The following ADAM32 variants were observed in gnomAD, a reference collection of about 807,000 sequenced individuals.
ADAM32 encodes the protein disintegrin and metalloproteinase domain-containing protein 32.
A neutral mutation model predicts 114.9 loss-of-function variants in ADAM32; 89 were observed. The observed-to-expected ratio is 0.77, with a 90% CI of 0.65 to 0.92. The LOEUF (loss-of-function observed/expected upper bound fraction) is 0.92. ADAM32 is among the 40% of genes least tolerant of loss of function. The pLI is 0.00. For missense variants in ADAM32, 870 were observed against 932.8 expected (o/e 0.93, Z 0.88); for synonymous variants, 285 against 307.5 (o/e 0.93, Z 0.77).
At chr8:39,245,726 A>T (rs1361675065) in intron 16 of ADAM32, among the ~76,000 whole-genome samples, 1 of 152,154 alleles carries the variant, frequency 6.6e-6, no homozygotes, top group Non-Finnish European at 1.5e-5. Context: ...CACTTAAGCT[A>T]TAGTACTTTG....
At chr8:39,276,343 A>G (rs1363175373) in intron 22 of ADAM32, 2 of 151,808 alleles carry the variant, frequency 1.3e-5, no homozygotes, top group African/African-American at 4.8e-5. Context: ...CACATCTTTC[A>G]TTGTTCTCAG....
At chr8:39,150,817 C>CTATATA (rs1330160120) in intron 5 of ADAM32, among the ~76,000 whole-genome samples, 1 of 152,130 alleles carries the variant, frequency 6.6e-6, no homozygotes, top group African/African-American at 2.4e-5. Context: ...CTTATTCAGA[C>CTATATA]TATATAAGCA....
At chr8:39,220,195 A>G (rs1808857973) in intron 12 of ADAM32, among the ~76,000 whole-genome samples, 1 of 152,098 alleles carries the variant, frequency 6.6e-6, no homozygotes. Context: ...ATGTGATGTC[A>G]TTATTTATCT....
At chr8:39,129,139 TGTGGATTC>T (rs1802290061) in intron 2 of ADAM32, among the ~76,000 whole-genome samples, 2 of 113,322 alleles carry the variant, frequency 1.8e-5, no homozygotes, top group South Asian at 2.7e-4. Context: ...TTTTTTTTTT[TGTGGATTC>T]TTTGGGAGTT....
chr8:39,243,124 G>A (rs1442775863), intron 16 of ADAM32, among the ~76,000 whole-genome samples: 1 of 152,028 alleles, frequency 6.6e-6, no homozygotes, highest in African/African-American at 2.4e-5. Context: ...CAAGCAGTGA[G>A]ATTGAAATGG....
At chr8:39,193,112 T>A (rs1298496231) in intron 11 of ADAM32, among the ~76,000 whole-genome samples, 2 of 152,210 alleles carry the variant, frequency 1.3e-5, no homozygotes, top group African/African-American at 4.8e-5. Context: ...GCTTCCATTC[T>A]CCCCATATCT....
chr8:39,165,078 T>C lies in ADAM32; in HGVS notation c.715T>C (p.Trp239Arg). The C allele has an allele frequency of 6.2e-7, 1 of 1,609,690 alleles. No homozygotes were observed. Among genetic ancestry groups the C allele is most frequent in the South Asian group, 1.1e-5 (1 of 90,392 alleles). ...VTIVLSSLELWSDENKISTVG... is the reference protein window; with the variant it reads ...VTIVLSSLELRSDENKISTVG... ...TATTGTGCTGTCATCATTGGAGTTA[T>C]GGTCAGATGAAAATAAGATTTCTAC... Residue 239 changes from tryptophan to arginine, a missense_variant, in exon 9 of 25, where the codon TGG becomes CGG. Trp to Arg is a moderately radical substitution (Grantham distance 101). Transcript: ENST00000379907.
intron 5 of ADAM32, among the ~76,000 whole-genome samples, 169 bp from the exon 6 acceptor site, chr8:39,151,208 T>C (rs1392248315): frequency 1.3e-5 from 2 of 152,136 alleles, no homozygotes; most frequent in Non-Finnish European, 2.9e-5. Flanking sequence ...AGAAAATGGG[T>C]TTTGTGGATT....
At chr8:39,246,061 T>G (rs1318454738) in intron 16 of ADAM32, 22 bp from the exon 17 acceptor site, 1 of 1,606,212 alleles carries the variant, frequency 6.2e-7, no homozygotes. Context: ...TGGGAACTTT[T>G]TTTGTATGTG....
intron 20 of ADAM32, among the ~76,000 whole-genome samples, chr8:39,273,208 T>C (rs867948603): frequency 5.3e-5 from 8 of 152,116 alleles, no homozygotes; most frequent in South Asian, 2.1e-4. Context: ...AAAATAATGA[T>C]AAAAAGGACA....
chr8:39,164,207 C>T (rs1004174916), intron 7 of ADAM32, among the ~76,000 whole-genome samples: 1 of 152,230 alleles, frequency 6.6e-6, no homozygotes. Context: ...TGATTTCACA[C>T]ACATTGCATA....
intron 6 of ADAM32, among the ~76,000 whole-genome samples, chr8:39,154,838 C>G (rs1391362594): frequency 6.7e-6 from 1 of 148,168 alleles, no homozygotes; most frequent in Non-Finnish European, 1.5e-5. Flanking sequence ...GCATAAATGT[C>G]TTCTTTTGAG....
chr8:39,250,266 C>T (rs551589324), intron 17 of ADAM32, among the ~76,000 whole-genome samples: 18 of 151,404 alleles, frequency 1.2e-4, no homozygotes, highest in Non-Finnish European at 2.4e-4. Flanking sequence ...TCTGTTTTTT[C>T]AACCTTTTTT....
rs1454300862 is a variant in ADAM32 at position 39,168,154 on chromosome 8, A to G, written c.834-1762A>G. On this transcript the variant is annotated intron_variant, in intron 9 of 24. Transcript: ENST00000379907. ...TGCAGCAGACCTTGCTGGACTGAAC[A>G]AAGGAGGACGAATGCAGGAATAAAG... 4.6e-5 allele frequency: 7 copies of G among 152,232 alleles called. No homozygotes were observed. In the East Asian group the frequency reaches 1.2e-3, roughly 25 times the overall value. 9.4% of individuals were successfully genotyped at this position (152,232 alleles called of 1,614,324 possible). A position where few individuals can be genotyped will look rare whatever the true frequency, so the allele number is the denominator to read the frequency against.
At chr8:39,240,010 AC>A (rs1230840388) in intron 16 of ADAM32, among the ~76,000 whole-genome samples, 5 of 152,232 alleles carry the variant, frequency 3.3e-5, no homozygotes, top group African/African-American at 1.2e-4. Flanking sequence ...ACAGCACCGG[AC>A]AGGTCATCAA....
intron 12 of ADAM32, among the ~76,000 whole-genome samples, chr8:39,217,146 C>CA (rs1163618279): frequency 6.6e-6 from 1 of 151,572 alleles, no homozygotes. Context: ...TATCCTAAGG[C>CA]AAAAGTTTTC....
intron 1 of ADAM32, among the ~76,000 whole-genome samples, chr8:39,109,276 TCAC>T (rs1840054526): frequency 6.6e-6 from 1 of 152,184 alleles, no homozygotes; most frequent in Non-Finnish European, 1.5e-5. Flanking sequence ...GCGTGGTGGC[TCAC>T]GCCTGTAATC....
intron 10 of ADAM32, among the ~76,000 whole-genome samples, chr8:39,186,392 G>A (rs1295024457): frequency 3.9e-5 from 6 of 152,136 alleles, no homozygotes; most frequent in Non-Finnish European, 7.3e-5. Context: ...ATCCAATAGT[G>A]CAATCTGAAG....
At chr8:39,252,703 T>C (rs191438119) in intron 17 of ADAM32, among the ~76,000 whole-genome samples, 9 of 151,230 alleles carry the variant, frequency 6.0e-5, no homozygotes, top group African/African-American at 1.7e-4. Context: ...AAAAAAGAAA[T>C]AAGACTCAAA....
Sources: gnomAD v4.1 joint callset for allele counts (sites outside exome capture counted in the v4.1 genomes callset) on GRCh38, gnomAD v4.1.1 for gene constraint, MANE v1.5 for transcripts, NCBI Gene and HGNC (gene_info 2026-07-23, HGNC 2026-07-21) for gene names.